The following RASA3 variants were observed in gnomAD, a reference collection of about 807,000 sequenced individuals.
RASA3 encodes ras GTPase-activating protein 3.
Under a neutral mutation model 110.0 loss-of-function variants are expected in RASA3, and 73 were observed. The observed-to-expected ratio is 0.66, with a 90% confidence interval of 0.55 to 0.81. The LOEUF (loss-of-function observed/expected upper bound fraction) is 0.81, where lower values mean the gene tolerates loss of function less well. RASA3 is among the 30% of genes least tolerant of loss of function. RASA3 has a pLI of 0.00. For synonymous variants in RASA3, 500 were observed against 451.4 expected (o/e 1.11, Z -1.37); for missense variants, 976 against 1,113.2 (o/e 0.88, Z 1.75).
chr13:114,018,971 A>C, intron 9 of RASA3, 52 bp from the exon 10 acceptor site: 2 of 1,604,998 alleles, frequency 1.2e-6, no homozygotes, highest in Non-Finnish European at 1.7e-6. Flanking sequence ...TCTGCCAAGG[A>C]GCAGCTCTCA....
At chr13:114,087,847 G>T (rs953256761) in intron 1 of RASA3, among the ~76,000 whole-genome samples, 11 of 152,276 alleles carry the variant, frequency 7.2e-5, no homozygotes, top group African/African-American at 2.7e-4. Context: ...ATCGGATAAT[G>T]AGCCGGGCGC....
chr13:113,994,515 T>C (rs755387666), intron 21 of RASA3, among the ~76,000 whole-genome samples: 3 of 152,144 alleles, frequency 2.0e-5, no homozygotes, highest in Non-Finnish European at 4.4e-5. Flanking sequence ...AACACATCCC[T>C]GGCCAGTCAG....
At chr13:114,107,188 T>C (rs892151227) in intron 1 of RASA3, among the ~76,000 whole-genome samples, 1 of 152,274 alleles carries the variant, frequency 6.6e-6, no homozygotes, top group East Asian at 1.9e-4. Context: ...ACGTGGCCTG[T>C]GTGTCTGCCT....
At chr13:114,043,413 A>G (rs2054458679) in intron 3 of RASA3, among the ~76,000 whole-genome samples, 1 of 152,122 alleles carries the variant, frequency 6.6e-6, no homozygotes, top group Non-Finnish European at 1.5e-5. Context: ...TCTGCAAAGC[A>G]AAGCAGCCCT....
chr13:114,065,121 C>CATCTGAACTGA lies in RASA3; in HGVS notation c.173+8588_173+8598dup, dbSNP rs2079423600. Among the ~76,000 whole-genome samples the CATCTGAACTGA allele has an allele frequency of 6.6e-6, 1 of 152,208 alleles. No homozygotes were observed. Among genetic ancestry groups the CATCTGAACTGA allele is most frequent in the South Asian group, 2.1e-4 (1 of 4,834 alleles). Reference sequence around the variant, plus strand: ...AGTAGTGGCTCTGATGAGGGGAAACCATCTGAACTGAATTCCTCCTCCTCC... The same window carrying CATCTGAACTGA: ...AGTAGTGGCTCTGATGAGGGGAAACCATCTGAACTGAATCTGAACTGAATTCCTCCTCCTCC... On this transcript the variant is annotated intron_variant, in intron 2 of 23. Transcript: ENST00000334062. The surrounding 1 kb of genome is among the most constrained non-coding windows in gnomAD (Gnocchi z 4.1).
At chr13:114,045,564 C>T (rs747129824) in intron 3 of RASA3, among the ~76,000 whole-genome samples, 1 of 151,496 alleles carries the variant, frequency 6.6e-6, no homozygotes, top group Admixed American at 6.6e-5. Flanking sequence ...GCCAGGGCCA[C>T]GAGGAAAAAA....
chr13:114,045,940 C>CAT (rs200478987), intron 3 of RASA3, among the ~76,000 whole-genome samples: 2 of 70,138 alleles, frequency 2.9e-5, no homozygotes, highest in African/African-American at 2.1e-4. Context: ...AAGACCCAAG[C>CAT]GTGTAAAGAT....
At chr13:114,055,924 G>C (rs1204856397) in intron 2 of RASA3, among the ~76,000 whole-genome samples, 1 of 152,184 alleles carries the variant, frequency 6.6e-6, no homozygotes, top group South Asian at 2.1e-4. Flanking sequence ...CGTTCACCAT[G>C]GAGGAACCTC....
chr13:114,014,943 C>T lies in RASA3; in HGVS notation c.1405+266G>A, dbSNP rs930628236. On this transcript the variant is annotated intron_variant, in intron 14 of 23. Transcript: ENST00000334062. The surrounding 1 kb of genome is among the most constrained non-coding windows in gnomAD (Gnocchi z 4.5). ...GGCTGGGCCCCTCTAGAGACCACTG[C>T]GGTGGTGATCTCCAGGGCTGGGGTC... 1.3e-5 allele frequency among the ~76,000 whole-genome samples: 2 copies of T among 151,964 alleles called. No individual in the cohort carries two copies. Among genetic ancestry groups the T allele is most frequent in the African/African-American group, 2.4e-5 (1 of 41,376 alleles).
intron 20 of RASA3, among the ~76,000 whole-genome samples, chr13:113,997,932 T>A (rs2053293397): frequency 6.6e-6 from 1 of 151,576 alleles, no homozygotes. Flanking sequence ...CCCCCGTGCA[T>A]GGCTGTGATC....
Position 113,979,136 on chromosome 13 carries a change from C to G in RASA3, c.*211G>C. 1.7e-6 allele frequency: 1 copy of G among 581,166 alleles called. No individual in the cohort carries two copies. Among genetic ancestry groups the G allele is most frequent in the Non-Finnish European group, 3.1e-6 (1 of 325,110 alleles). The allele number at this position is 581,166 out of a possible 1,614,324, so 36.0% of individuals were successfully genotyped here. The stretch of plus-strand genomic sequence containing the variant: ...AAAAGCACAGAATCAAATGACGACA[C>G]GTTCCACAGGGCCAGGTGGGCTTTC... On this transcript the variant is annotated 3_prime_UTR_variant, in exon 24 of 24. Coordinates refer to ENST00000334062, the MANE Select transcript of RASA3 (RefSeq NM_007368.4).
chr13:114,071,559 T>G (rs900845081), intron 2 of RASA3, among the ~76,000 whole-genome samples: 6 of 152,206 alleles, frequency 3.9e-5, no homozygotes, highest in Admixed American at 1.3e-4. Context: ...CTCTTCCCAT[T>G]TTCTTCAGAA....
intron 18 of RASA3, among the ~76,000 whole-genome samples, chr13:114,002,156 G>T (rs1250143197): frequency 6.6e-6 from 1 of 152,262 alleles, no homozygotes; most frequent in Non-Finnish European, 1.5e-5. Flanking sequence ...AGCTGAGGAC[G>T]AGAAGCCAAG....
intron 1 of RASA3, among the ~76,000 whole-genome samples, chr13:114,078,303 T>C (rs1468600749): frequency 1.3e-5 from 2 of 151,270 alleles, no homozygotes; most frequent in African/African-American, 4.9e-5. Flanking sequence ...GTTCTGTCTC[T>C]CTTAGAGGAA....
chr13:113,994,056 T>C (rs1229969250), intron 21 of RASA3, among the ~76,000 whole-genome samples: 1 of 152,246 alleles, frequency 6.6e-6, no homozygotes, highest in Admixed American at 6.5e-5. Context: ...ATGCTTATTA[T>C]AGCTAAAACA....
intron 1 of RASA3, among the ~76,000 whole-genome samples, chr13:114,130,506 C>G (rs1254371971): frequency 6.6e-6 from 1 of 152,224 alleles, no homozygotes; most frequent in South Asian, 2.1e-4. Context: ...AAACCTCCTT[C>G]TCTCCGAGGG....
chr13:114,073,602 G>A (rs1327220129), intron 2 of RASA3, 118 bp downstream of exon 2: 4 of 845,256 alleles, frequency 4.7e-6, no homozygotes, highest in East Asian at 4.9e-5. Context: ...GGATGGTGAC[G>A]TACACGCTCG....
At position 114,052,108 on chromosome 13, in the gene RASA3, C is replaced by A. The variant is rs200133013; in HGVS notation, c.221G>T (p.Arg74Leu). Residue 74 changes from arginine (R) to leucine (L), a missense_variant, in exon 3 of 24, where the codon CGT becomes CTT. Physicochemically the swap from Arg to Leu is moderately radical, Grantham distance 102. This residue lies in a region of RASA3 where 732 missense variants were observed against 779.7 expected (regional missense o/e 0.94). Coordinates refer to ENST00000334062, the MANE Select transcript of RASA3 (RefSeq NM_007368.4). Reference protein sequence around the residue: ...DFYCEIPRSFRHLSFYIFDRD... With the variant: ...DFYCEIPRSFLHLSFYIFDRD... ...ATCGAAAATGTAGAAGGACAGGTGA[C>A]GAAAGCTCCGAGGAATTTCACAGTA... The A allele has an allele frequency of 6.2e-7, 1 of 1,613,382 alleles. No individual in the cohort carries two copies. The highest frequency in any genetic ancestry group is 1.3e-5 in the African/African-American group (1 of 74,926).
intron 22 of RASA3, among the ~76,000 whole-genome samples, chr13:113,988,740 T>A (rs2053027678): frequency 2.4e-5 from 2 of 83,406 alleles, no homozygotes; most frequent in Non-Finnish European, 2.2e-5. Flanking sequence ...CATCCATCCA[T>A]CCACCCATCA....
Sources: allele counts gnomAD v4.1 joint callset (sites outside exome capture counted in the v4.1 genomes callset), GRCh38; gene constraint gnomAD v4.1.1; regional missense constraint gnomAD v4.1.1; non-coding constraint Gnocchi (gnomAD v3.1); transcripts MANE v1.5; gene names NCBI Gene and HGNC (gene_info 2026-07-23, HGNC 2026-07-21).